CFLAR: variants seen among roughly 807,000 people sequenced by gnomAD.
CFLAR encodes the protein CASP8 and FADD like apoptosis regulator, also known as CASP8 and FADD-like apoptosis regulator.
Under a neutral mutation model 51.1 loss-of-function variants are expected in CFLAR, and 14 were observed. The observed-to-expected ratio is 0.27, with a 90% CI of 0.18 to 0.43. The LOEUF (loss-of-function observed/expected upper bound fraction) is 0.43. CFLAR is among the 20% of genes least tolerant of loss of function. The probability of loss-of-function intolerance (pLI) is 1.00; values close to 1 mark genes in which losing one functional copy is unlikely to be tolerated. For synonymous variants in CFLAR, 210 were observed against 211.6 expected (o/e 0.99, Z 0.06); for missense variants, 390 against 566.5 (o/e 0.69, Z 3.16).
chr2:201,120,432 C>T (rs181257393), intron 1 of CFLAR, among the ~76,000 whole-genome samples: 2 of 152,184 alleles, frequency 1.3e-5, no homozygotes, highest in Admixed American at 1.3e-4. Context: ...TTATTTTTCT[C>T]TTATTCTCGA....
At chr2:201,151,639 G>A (rs1046544733) in intron 8 of CFLAR, among the ~76,000 whole-genome samples, 1 of 151,804 alleles carries the variant, frequency 6.6e-6, no homozygotes, top group East Asian at 1.9e-4. Context: ...AAGAGATTAT[G>A]TAATTGTCCT....
chr2:201,140,679 A>G, intron 5 of CFLAR: 1 of 390,600 alleles, frequency 2.6e-6, no homozygotes. Context: ...CCACTATCCA[A>G]AGACAACCAC....
Position 201,149,820 on chromosome 2 carries a change from A to G in CFLAR, c.778A>G (p.Ile260Val), listed in dbSNP as rs748398445. 4.3e-6 allele frequency: 7 copies of G among 1,613,172 alleles called. No homozygotes were observed. In the East Asian group the frequency reaches 1.3e-4, roughly 31 times the overall value. ...AGGAATCTGCCTGATAATCGATTGC[A>G]TTGGCAATGAGACAGGTAGGTGTGG... is the stretch of plus-strand genomic sequence containing the variant. ...PLGICLIIDC[I>V]GNETELLRDT... The change falls in exon 8 of 10, where the codon ATT becomes GTT. Residue 260 changes from isoleucine (I) to valine (V), a missense_variant. By Grantham distance (29) the Ile-to-Val change is conservative. Transcript: ENST00000309955.
chr2:201,133,653 G>A (rs1167581585), intron 3 of CFLAR, among the ~76,000 whole-genome samples: 3 of 152,098 alleles, frequency 2.0e-5, no homozygotes, highest in African/African-American at 7.2e-5. Context: ...CCAGGAGGCC[G>A]GGCGCAGTGG....
At chr2:201,128,944 C>T (rs2048964052) in intron 1 of CFLAR, among the ~76,000 whole-genome samples, 1 of 152,094 alleles carries the variant, frequency 6.6e-6, no homozygotes, top group African/African-American at 2.4e-5. Context: ...GAGATCTTTC[C>T]CCAGATCCTC....
At chr2:201,160,166 T>C (rs556848860) in intron 8 of CFLAR, among the ~76,000 whole-genome samples, 54 of 152,134 alleles carry the variant, frequency 3.5e-4, no homozygotes, top group African/African-American at 1.3e-3. Flanking sequence ...TGGACTAGAG[T>C]GGGCTCAGTC....
At chr2:201,159,103 C>T (rs1222361417) in intron 8 of CFLAR, among the ~76,000 whole-genome samples, 1 of 151,720 alleles carries the variant, frequency 6.6e-6, no homozygotes, top group Non-Finnish European at 1.5e-5. Context: ...GTCTCGAACT[C>T]CTGACCTCAG....
At chr2:201,121,335 T>C (rs75410641) in intron 1 of CFLAR, among the ~76,000 whole-genome samples, 4,129 of 152,334 alleles carry the variant, frequency 0.027, 94 homozygotes, top group Middle Eastern at 0.082. Flanking sequence ...GCTGTCTGCC[T>C]AGGCTTTCTG....
At chr2:201,139,087 A>G (rs1425541266) in intron 4 of CFLAR, 1 of 380,436 alleles carries the variant, frequency 2.6e-6, no homozygotes, top group Non-Finnish European at 5.1e-6. Context: ...GTTCTGTACT[A>G]AGAAAAATTC....
chr2:201,139,447 T>G, intron 4 of CFLAR: 1 of 155,114 alleles, frequency 6.4e-6, no homozygotes, highest in Non-Finnish European at 1.4e-5. Flanking sequence ...GGAGGATTAG[T>G]AAAAGAGGAA....
Position 201,170,540 on chromosome 2 carries a change from T to G in CFLAR, c.*6567T>G, listed in dbSNP as rs1943950202. On this transcript the variant is annotated 3_prime_UTR_variant, in exon 10 of 10. Coordinates refer to ENST00000309955, the MANE Select transcript of CFLAR (RefSeq NM_003879.7). ...TATAGATAAGTAGTTGAATTATGGA[T>G]TTAAAATACATATCATTTTCTAACT... 6.6e-6 allele frequency: 1 copy of G among 152,244 alleles called. No homozygotes were observed. Among genetic ancestry groups the G allele is most frequent in the African/African-American group, 2.4e-5 (1 of 41,472 alleles). 9.4% of individuals were successfully genotyped at this position (152,244 alleles called of 1,614,324 possible). A position where few individuals can be genotyped will look rare whatever the true frequency, so the allele number is the denominator to read the frequency against.
chr2:201,117,250 G>T (rs1286567584), intron 1 of CFLAR: 1 of 152,198 alleles, frequency 6.6e-6, no homozygotes, highest in Admixed American at 6.5e-5. Flanking sequence ...AGTTTTTAGA[G>T]CCTTTTAAAA....
rs1327456462 is a variant in CFLAR, at chr2:201,172,919, G to A, written c.*8946G>A. Reference sequence around the variant, plus strand: ...GTTCTTCTGGGCATATACCTTAGAAGTGAGAGTGCTCATCATATAGTAACT... The same window carrying A: ...GTTCTTCTGGGCATATACCTTAGAAATGAGAGTGCTCATCATATAGTAACT... On this transcript the variant is annotated 3_prime_UTR_variant, in exon 10 of 10. Transcript: ENST00000309955. 6.6e-6 allele frequency: 1 copy of A among 152,236 alleles called. No individual in the cohort carries two copies. Among genetic ancestry groups the A allele is most frequent in the Non-Finnish European group, 1.5e-5 (1 of 68,044 alleles). The allele number at this position is 152,236 out of a possible 1,614,324, so 9.4% of individuals were successfully genotyped here.
At chr2:201,158,269 CAG>C (rs1487667624) in intron 8 of CFLAR, among the ~76,000 whole-genome samples, 4 of 152,214 alleles carry the variant, frequency 2.6e-5, no homozygotes, top group Non-Finnish European at 2.9e-5. Flanking sequence ...AGTCATGTGA[CAG>C]GGGCTTCCCC....
chr2:201,170,782 T>TA lies in CFLAR; in HGVS notation c.*6810dup. 1 of 152,374 alleles carries TA rather than the reference T, an allele frequency of 6.6e-6. No individual in the cohort carries two copies. Among genetic ancestry groups the TA allele is most frequent in the East Asian group, 1.9e-4 (1 of 5,196 alleles). 9.4% of individuals were successfully genotyped at this position (152,374 alleles called of 1,614,324 possible). A position where few individuals can be genotyped will look rare whatever the true frequency, so the allele number is the denominator to read the frequency against. ...TTCCATTTTGAAGTCTGCTTTTTTT[T>TA]ACACAAAAATATGTTGTGAATATTT... is the stretch of plus-strand genomic sequence containing the variant. On this transcript the variant is annotated 3_prime_UTR_variant, in exon 10 of 10. Transcript: ENST00000309955.
At chr2:201,140,460 T>C in intron 5 of CFLAR, 21 bp downstream of exon 5, 1 of 1,564,230 alleles carries the variant, frequency 6.4e-7, no homozygotes, top group Non-Finnish European at 8.7e-7. Flanking sequence ...AGAAAACATA[T>C]GGAATCCCAG....
intron 1 of CFLAR, among the ~76,000 whole-genome samples, chr2:201,123,705 C>T (rs1303498692): frequency 6.6e-6 from 1 of 152,152 alleles, no homozygotes; most frequent in Non-Finnish European, 1.5e-5. Flanking sequence ...TAAAATATGA[C>T]TTCTAATTTT....
chr2:201,139,195 T>G (rs991807118), intron 4 of CFLAR: 1 of 368,292 alleles, frequency 2.7e-6, no homozygotes, highest in East Asian at 7.3e-5. Context: ...GATTAAGGGC[T>G]GTGCAAGATG....
At position 201,116,898 on chromosome 2, in the gene CFLAR, C is replaced by T. The variant is rs1399007210; in HGVS notation, c.-138+417C>T. 2.6e-5 allele frequency: 4 copies of T among 152,368 alleles called. No individual in the cohort carries two copies. Among genetic ancestry groups the T allele is most frequent in the African/African-American group, 9.6e-5 (4 of 41,474 alleles). The allele number at this position is 152,368 out of a possible 1,614,324, so 9.4% of individuals were successfully genotyped here. A position where few individuals can be genotyped will look rare whatever the true frequency, so the allele number is the denominator to read the frequency against. On this transcript the variant is annotated intron_variant, in intron 1 of 9. Coordinates refer to ENST00000309955, the MANE Select transcript of CFLAR (RefSeq NM_003879.7). The surrounding 1 kb of genome is among the most constrained non-coding windows in gnomAD (Gnocchi z 4.8). The stretch of plus-strand genomic sequence containing the variant: ...GACCGGAAGTAACCCTTGGCCAACT[C>T]TGGCCGCCCCCTGCAGCCGCAGCCC...
Sources: gnomAD v4.1 joint callset for allele counts (sites outside exome capture counted in the v4.1 genomes callset) on GRCh38, gnomAD v4.1.1 for gene constraint, Gnocchi (gnomAD v3.1) non-coding constraint, MANE v1.5 for transcripts, NCBI Gene and HGNC (gene_info 2026-07-23, HGNC 2026-07-21) for gene names.